CRPPA: variants seen among roughly 807,000 people sequenced by gnomAD.
CRPPA encodes the protein D-ribitol-5-phosphate cytidylyltransferase.
Under a neutral mutation model 52.0 loss-of-function variants are expected in CRPPA, and 43 were observed. The ratio of observed to expected loss-of-function variants is 0.83; its 90% CI spans 0.65 to 1.07. CRPPA has a LOEUF of 1.07. CRPPA is among the 50% of genes least tolerant of loss of function. The probability of loss-of-function intolerance (pLI) is 0.00; values close to 1 mark genes in which losing one functional copy is unlikely to be tolerated. For synonymous variants in CRPPA, 250 were observed against 203.5 expected, an observed-to-expected ratio of 1.23 and a Z score of -1.94; for missense variants, 629 against 551.7, an observed-to-expected ratio of 1.14 and a Z score of -1.40.
At chr7:16,216,500 G>GCAGAAGAA (rs1308339390) in intron 8 of CRPPA, 1 of 257,886 alleles carries the variant, frequency 3.9e-6, no homozygotes, top group African/African-American at 2.3e-5. Flanking sequence ...CGCAGAAGAC[G>GCAGAAGAA]GGTGATTTCT....
At chr7:16,172,010 G>C (rs1781197596) in intron 9 of CRPPA, among the ~76,000 whole-genome samples, 1 of 152,058 alleles carries the variant, frequency 6.6e-6, no homozygotes, top group Non-Finnish European at 1.5e-5. Context: ...ATTTTCTATT[G>C]AAAATGTCAT....
At chr7:16,221,655 C>G (rs1473206947) in intron 8 of CRPPA, among the ~76,000 whole-genome samples, 1 of 151,938 alleles carries the variant, frequency 6.6e-6, no homozygotes, top group South Asian at 2.1e-4. Context: ...AGACACTTCT[C>G]AAAAGAAGAC....
intron 3 of CRPPA, among the ~76,000 whole-genome samples, chr7:16,310,254 G>A (rs1785005480): frequency 6.6e-6 from 1 of 151,892 alleles, no homozygotes; most frequent in Admixed American, 6.6e-5. Flanking sequence ...TTGGCCCCCC[G>A]AAAACAGTGT....
chr7:16,233,187 G>T (rs939756030), intron 8 of CRPPA, among the ~76,000 whole-genome samples: 1 of 152,004 alleles, frequency 6.6e-6, no homozygotes, highest in Non-Finnish European at 1.5e-5. Flanking sequence ...CAGACCACCA[G>T]TGAGATATGG....
chr7:16,360,365 C>T (rs10950617), intron 3 of CRPPA, among the ~76,000 whole-genome samples: 61,074 of 151,904 alleles, frequency 0.4, 12,468 homozygotes, highest in East Asian at 0.46. Flanking sequence ...AAAATATGAT[C>T]AGAGTCAATT....
intron 3 of CRPPA, among the ~76,000 whole-genome samples, chr7:16,311,268 C>T (rs1176651697): frequency 2.0e-5 from 3 of 152,056 alleles, no homozygotes; most frequent in Admixed American, 6.6e-5. Context: ...CAATGATATA[C>T]GTCCATCACT....
rs891228895 is a variant in CRPPA at position 16,359,340 on chromosome 7, G to A, written c.684+16752C>T. 2.6e-5 allele frequency among the ~76,000 whole-genome samples: 4 copies of A among 152,138 alleles called. No individual in the cohort carries two copies. In the South Asian group the frequency reaches 6.2e-4, roughly 24 times the overall value. On this transcript the variant is annotated intron_variant, in intron 3 of 9. Transcript: ENST00000407010. Reference sequence around the variant, plus strand: ...CCCCTAAATAATGGCATCATTACTAGTACACATGTAATTCACAGCGTGATC... The same window carrying A: ...CCCCTAAATAATGGCATCATTACTAATACACATGTAATTCACAGCGTGATC...
chr7:16,406,055 A>T lies in CRPPA; in HGVS notation c.534+6T>A. ...CTTCTATCTAGACTCAAGAAAAAAG[A>T]CTTACCCCGTGTTCCTTAGCAGCTG... On this transcript the variant is annotated splice_donor_region_variant and intron_variant, in intron 2 of 9. Coordinates refer to ENST00000407010, the MANE Select transcript of CRPPA (RefSeq NM_001101426.4). The T allele has an allele frequency of 6.2e-7, 1 of 1,611,480 alleles. No individual in the cohort carries two copies.
In CRPPA at chr7:16,342,787, ATATATATATATC is replaced by A. The variant is rs1312416244; in HGVS notation, c.684+33293_684+33304del. Among the ~76,000 whole-genome samples, 19 of 52,692 alleles carry A rather than the reference ATATATATATATC, an allele frequency of 3.6e-4. 2 individuals carry two copies. The highest frequency in any genetic ancestry group is 8.6e-4 in the South Asian group (1 of 1,166). The allele number at this position is 52,692 out of a possible 152,430, so 34.6% of individuals were successfully genotyped here. A position where few individuals can be genotyped will look rare whatever the true frequency, so the allele number is the denominator to read the frequency against. On this transcript the variant is annotated intron_variant, in intron 3 of 9. Coordinates refer to ENST00000407010, the MANE Select transcript of CRPPA (RefSeq NM_001101426.4). The stretch of plus-strand genomic sequence containing the variant: ...ACAAAAAAAAAAAAAAAAAAAATAT[ATATATATATATC>A]TATATAGATATATAGATATACATAT...
At chr7:16,403,229 TC>T (rs1787869067) in intron 2 of CRPPA, among the ~76,000 whole-genome samples, 1 of 152,096 alleles carries the variant, frequency 6.6e-6, no homozygotes, top group African/African-American at 2.4e-5. Flanking sequence ...GGAATTTTGC[TC>T]CCGAACTTAT....
chr7:16,273,951 C>T (rs888345250), intron 6 of CRPPA, among the ~76,000 whole-genome samples: 31 of 152,186 alleles, frequency 2.0e-4, no homozygotes, highest in African/African-American at 6.8e-4. Context: ...AATGAGCCAA[C>T]CCCTTAGCCA....
rs1169469444 is a variant in CRPPA at position 16,421,112 on chromosome 7, T to C, written c.211A>G (p.Ile71Val). Residue 71 changes from isoleucine to valine, a missense_variant, in exon 1 of 10, where the codon ATC (isoleucine) becomes GTC (valine). Physicochemically the swap from Ile to Val is conservative, Grantham distance 29. Coordinates refer to ENST00000407010, the MANE Select transcript of CRPPA (RefSeq NM_001101426.4). Reference sequence around the variant, plus strand: ...TAGCTGATGAGCGGCCTCTCCAGGATGGGGCAGAATTGCTTCGGGGTGGGG... The same window carrying C: ...TAGCTGATGAGCGGCCTCTCCAGGACGGGGCAGAATTGCTTCGGGGTGGGG... ...GVPTPKQFCP[I>V]LERPLISYTL... The C allele has an allele frequency of 2.3e-6, 3 of 1,312,290 alleles. No homozygotes were observed. Among genetic ancestry groups the C allele is most frequent in the Non-Finnish European group, 2.9e-6 (3 of 1,023,880 alleles). 81.3% of individuals were successfully genotyped at this position (1,312,290 alleles called of 1,614,324 possible). A position where few individuals can be genotyped will look rare whatever the true frequency, so the allele number is the denominator to read the frequency against.
At chr7:16,115,179 G>T (rs1400115521) in intron 9 of CRPPA, among the ~76,000 whole-genome samples, 1 of 151,902 alleles carries the variant, frequency 6.6e-6, no homozygotes, top group Non-Finnish European at 1.5e-5. Flanking sequence ...AACTAAATTT[G>T]GAAATTAGTA....
intron 9 of CRPPA, among the ~76,000 whole-genome samples, chr7:16,147,531 C>CT (rs1782997958): frequency 6.6e-6 from 1 of 152,130 alleles, no homozygotes; most frequent in South Asian, 2.1e-4. Flanking sequence ...ACTTACTTAT[C>CT]TTTGTTCAAT....
chr7:16,156,075 G>C (rs1379823998), intron 9 of CRPPA, among the ~76,000 whole-genome samples: 5 of 141,662 alleles, frequency 3.5e-5, no homozygotes, highest in African/African-American at 1.3e-4. Context: ...CAACACAAAT[G>C]CAGCTAAACC....
Position 16,286,044 on chromosome 7 carries a change from AATATAT to A in CRPPA, c.836-7824_836-7819del, listed in dbSNP as rs1175134468. Among the ~76,000 whole-genome samples the A allele has an allele frequency of 6.8e-3, 85 of 12,538 alleles. 3 individuals are homozygous for A. Among genetic ancestry groups the A allele is most frequent in the African/African-American group, 0.011 (21 of 1,892 alleles). 8.2% of individuals were successfully genotyped at this position (12,538 alleles called of 152,430 possible). ...TCAAAAAAAAAAAAAAAAAAATATA[AATATAT>A]ATATATATATATATATATATATATA... On this transcript the variant is annotated intron_variant, in intron 5 of 9. Transcript: ENST00000407010.
intron 9 of CRPPA, among the ~76,000 whole-genome samples, chr7:16,151,948 C>G (rs915673543): frequency 6.6e-6 from 1 of 151,932 alleles, no homozygotes; most frequent in Non-Finnish European, 1.5e-5. Context: ...AAAAAATTCA[C>G]TCCAAAATTT....
At position 16,276,982 on chromosome 7, in the gene CRPPA, C is replaced by CA. The variant is rs1471584962; in HGVS notation, c.933+1146dup. The CA allele has an allele frequency of 2.6e-5, 4 of 152,306 alleles. No individual in the cohort carries two copies. In the East Asian group the frequency reaches 7.7e-4, roughly 29 times the overall value. The allele number at this position is 152,306 out of a possible 1,614,324, so 9.4% of individuals were successfully genotyped here. Reference sequence around the variant, plus strand: ...AACAGTCTGTACTATCTAATACTGTCACACCACTCTGCCAACTTATCACTG... The same window carrying CA: ...AACAGTCTGTACTATCTAATACTGTCAACACCACTCTGCCAACTTATCACTG... On this transcript the variant is annotated intron_variant, in intron 6 of 9. Transcript: ENST00000407010.
chr7:16,420,117 G>A (rs1317785534), intron 1 of CRPPA, among the ~76,000 whole-genome samples: 2 of 152,126 alleles, frequency 1.3e-5, no homozygotes, highest in East Asian at 3.9e-4. Flanking sequence ...ACTTCCCTTG[G>A]ACTAGAACCT....
Sources: gnomAD v4.1 joint callset for allele counts (sites outside exome capture counted in the v4.1 genomes callset) on GRCh38, gnomAD v4.1.1 for gene constraint, MANE v1.5 for transcripts, NCBI Gene and HGNC (gene_info 2026-07-23, HGNC 2026-07-21) for gene names.